CEP170B: variants seen among roughly 807,000 people sequenced by gnomAD.
CEP170B encodes the protein centrosomal protein 170B, also known as centrosomal protein of 170 kDa protein B.
A neutral mutation model predicts 120.6 loss-of-function variants in CEP170B; 55 were observed. The ratio of observed to expected loss-of-function variants is 0.46; its 90% CI spans 0.37 to 0.57. CEP170B has a LOEUF of 0.57. Among genes scored for constraint, CEP170B ranks in the 20% least tolerant of loss-of-function variants. The pLI is 0.00. For missense variants in CEP170B, 2,212 were observed against 2,253.3 expected (o/e 0.98, Z 0.37); for synonymous variants, 1,033 against 954.5 (o/e 1.08, Z -1.52).
rs544374977 is a variant in CEP170B at position 104,880,942 on chromosome 14, C to T, written c.472+517C>T. On this transcript the variant is annotated intron_variant, in intron 6 of 18. Coordinates refer to ENST00000414716, the MANE Select transcript of CEP170B (RefSeq NM_001112726.3). ...CACACCCACACTGCTCACCCCTGTG[C>T]ACACCTACCTGTGCACGCCTGCACC... Among the ~76,000 whole-genome samples the T allele has an allele frequency of 4.6e-5, 7 of 152,336 alleles. No individual in the cohort carries two copies. In the East Asian group the frequency reaches 1.3e-3, roughly 29 times the overall value.
In CEP170B at chr14:104,893,628, G is replaced by T. The variant is rs200856973; in HGVS notation, c.4144G>T (p.Ala1382Ser). The part of the protein sequence containing the change: ...DQNMNDSCED[A>S]LANKTRPRNR... ...GAACATGAACGACAGCTGTGAGGAC[G>T]CCCTGGCCAACAAGACGCGGCCTCG... Residue 1382 changes from alanine (A) to serine (S), a missense_variant, in exon 15 of 19, where the codon GCC (alanine) becomes TCC (serine). Ala to Ser is a moderately conservative substitution (Grantham distance 99, BLOSUM62 1). Around this residue, in one of 2 missense-constraint regions of CEP170B, gnomAD observed 2,166 missense variants for 2,166.7 expected, o/e 1.00. Coordinates refer to ENST00000414716, the MANE Select transcript of CEP170B (RefSeq NM_001112726.3). The T allele has an allele frequency of 6.3e-6, 10 of 1,596,192 alleles. No homozygotes were observed. In the Admixed American group the frequency reaches 1.7e-4, roughly 28 times the overall value.
Position 104,886,178 on chromosome 14 carries a change from C to T in CEP170B, c.2035+48C>T, listed in dbSNP as rs1177426730. 4.0e-6 allele frequency: 6 copies of T among 1,486,076 alleles called. No homozygotes were observed. The Admixed American group carries it at 6.9e-5, about 17-fold the overall frequency. The allele number at this position is 1,486,076 out of a possible 1,614,324, so 92.1% of individuals were successfully genotyped here. On this transcript the variant is annotated intron_variant, in intron 11 of 18. Transcript: ENST00000414716. The stretch of plus-strand genomic sequence containing the variant: ...GGGAGTCGGGCCAGGCCGGGGCGGG[C>T]CTCAGGCCACTGACCACGGACACAG...
intron 3 of CEP170B, 57 bp downstream of exon 3, chr14:104,876,402 C>G: frequency 6.7e-7 from 1 of 1,497,618 alleles, no homozygotes; most frequent in East Asian, 2.5e-5. Flanking sequence ...CAGCCCTGGC[C>G]CCTCCCTCTC....
Position 104,886,799 on chromosome 14 carries a change from C to G in CEP170B, c.2560C>G (p.Pro854Ala), listed in dbSNP as rs62641739. The G allele has an allele frequency of 1.3e-3, 2,088 of 1,611,578 alleles. 32 individuals carry two copies. In the African/African-American group the frequency reaches 0.025, roughly 19 times the overall value. ...MVIQLRPGRS[P>A]EPDGPAPAFL... ...CATCCAGCTACGGCCTGGACGGTCC[C>G]CAGAACCCGACGGCCCTGCCCCAGC... The change falls in exon 12 of 19, where the codon CCA becomes GCA. Residue 854 changes from proline to alanine, a missense_variant. This residue lies in a region of CEP170B where 2,166 missense variants were observed against 2,166.7 expected (regional missense o/e 1.00). Transcript: ENST00000414716.
chr14:104,893,894 A>G (rs1313756706), intron 16 of CEP170B, 45 bp downstream of exon 16: 1 of 1,534,124 alleles, frequency 6.5e-7, no homozygotes, highest in Admixed American at 1.8e-5. Flanking sequence ...ACACCAGCAC[A>G]GCTGCATGAG....
In CEP170B at chr14:104,884,062, G is replaced by A. The variant is rs765452990; in HGVS notation, c.1283G>A (p.Gly428Glu). The stretch of plus-strand genomic sequence containing the variant: ...CAGTCCTTCACGCACAGCCCGTCCG[G>A]GGACCCCAAGGCCGACAAGCGCCGT... ...RSQSFTHSPS[G>E]DPKADKRRGP... is the part of the protein sequence containing the mutation. Residue 428 changes from glycine (G) to glutamate (E), a missense_variant, in exon 9 of 19, where the codon GGG (glycine) becomes GAG (glutamate). Around this residue, in one of 2 missense-constraint regions of CEP170B, gnomAD observed 2,166 missense variants for 2,166.7 expected, o/e 1.00. Coordinates refer to ENST00000414716, the MANE Select transcript of CEP170B (RefSeq NM_001112726.3). 9 of 1,607,452 alleles carry A rather than the reference G, an allele frequency of 5.6e-6. No individual in the cohort carries two copies. Among genetic ancestry groups the A allele is most frequent in the East Asian group, 2.2e-5 (1 of 44,792 alleles).
chr14:104,877,890 T>C lies in CEP170B; in HGVS notation c.201T>C (p.Phe67=). The change falls in exon 4 of 19, where the codon TTT becomes TTC. Residue 67 remains phenylalanine (F), a synonymous_variant. Coordinates refer to ENST00000414716, the MANE Select transcript of CEP170B (RefSeq NM_001112726.3). The part of the protein sequence containing the change: ...VKDLGSLNGT[F]VNDMRIPDQK... ...CGCCACCTGTTTTCCTGCAGACGTT[T>C]GTGAATGACATGCGCATCCCGGACC... is the stretch of plus-strand genomic sequence containing the variant. The C allele has an allele frequency of 7.4e-7, 1 of 1,346,108 alleles. No individual in the cohort carries two copies. Among genetic ancestry groups the C allele is most frequent in the South Asian group, 1.2e-5 (1 of 84,698 alleles). The allele number at this position is 1,346,108 out of a possible 1,614,324, so 83.4% of individuals were successfully genotyped here.
chr14:104,889,905 AATGG>A (rs1160408059), intron 13 of CEP170B, 147 bp downstream of exon 13: 18,050 of 135,750 alleles, frequency 0.13, 460 homozygotes, highest in Non-Finnish European at 0.16. Flanking sequence ...TGGATGGACA[AATGG>A]ATGGATGGAT....
chr14:104,889,934 A>AG (rs1896711630), intron 13 of CEP170B, among the ~76,000 whole-genome samples, 176 bp downstream of exon 13: 1 of 65,266 alleles, frequency 1.5e-5, no homozygotes, highest in African/African-American at 5.5e-5. Flanking sequence ...GGATGGATGG[A>AG]TGGATGGATG....
rs1896324208 is a variant in CEP170B at position 104,884,213 on chromosome 14, C to T, written c.1434C>T (p.Ser478=). 1 of 1,542,934 alleles carries T rather than the reference C, an allele frequency of 6.5e-7. No homozygotes were observed. The highest frequency in any genetic ancestry group is 8.7e-7 in the Non-Finnish European group (1 of 1,147,176). Residue 478 remains serine, a synonymous_variant, in exon 9 of 19, where the codon AGC becomes AGT. Transcript: ENST00000414716. ...KREKTEERLG[S]PSPASRTPAR... Reference sequence around the variant, plus strand: ...AGAAGACAGAGGAACGGCTGGGCAGCCCCTCGCCCGCCTCCCGAACCCCTG... The same window carrying T: ...AGAAGACAGAGGAACGGCTGGGCAGTCCCTCGCCCGCCTCCCGAACCCCTG...
chr14:104,882,360 G>C (rs534458946), intron 6 of CEP170B, among the ~76,000 whole-genome samples: 126 of 152,158 alleles, frequency 8.3e-4, no homozygotes, highest in African/African-American at 2.8e-3. Flanking sequence ...CTCTGGGGTC[G>C]GGAAGGCCGG....
rs948141432 is a variant in CEP170B, at chr14:104,896,666, G to T, written c.*1708G>T. 1 of 456,040 alleles carries T rather than the reference G, an allele frequency of 2.2e-6. No individual in the cohort carries two copies. Among genetic ancestry groups the T allele is most frequent in the Non-Finnish European group, 4.4e-6 (1 of 226,932 alleles). 28.2% of individuals were successfully genotyped at this position (456,040 alleles called of 1,614,324 possible). A position where few individuals can be genotyped will look rare whatever the true frequency, so the allele number is the denominator to read the frequency against. ...TGTACATTCGTTCTCAGGTGGTCTT[G>T]TGGCTGTCTTTCGGAAAATGGTTAT... On this transcript the variant is annotated 3_prime_UTR_variant, in exon 19 of 19. Coordinates refer to ENST00000414716, the MANE Select transcript of CEP170B (RefSeq NM_001112726.3).
intron 6 of CEP170B, among the ~76,000 whole-genome samples, chr14:104,882,516 G>A (rs1275893449): frequency 6.6e-6 from 1 of 152,026 alleles, no homozygotes; most frequent in Non-Finnish European, 1.5e-5. Context: ...GGGAGGAGGT[G>A]GGGCCAGGCA....
chr14:104,871,990 A>C (rs569002707), intron 2 of CEP170B, among the ~76,000 whole-genome samples: 1 of 152,350 alleles, frequency 6.6e-6, no homozygotes, highest in South Asian at 2.1e-4. Context: ...TGCCCAGTGC[A>C]AGCCTGGCAC....
chr14:104,894,246 C>A, intron 16 of CEP170B, 39 bp from the exon 17 acceptor site: 1 of 1,467,534 alleles, frequency 6.8e-7, no homozygotes, highest in Non-Finnish European at 9.6e-7. Flanking sequence ...TCATCTCTGT[C>A]CTTGTCCCCC....
At chr14:104,882,981 G>A in intron 7 of CEP170B, 54 bp from the exon 8 acceptor site, 1 of 1,465,514 alleles carries the variant, frequency 6.8e-7, no homozygotes, top group South Asian at 1.3e-5. Flanking sequence ...GCTGAGGAGG[G>A]TGGTGGCAGG....
At chr14:104,878,339 C>T in intron 4 of CEP170B, 104 bp from the exon 5 acceptor site, 2 of 1,195,868 alleles carry the variant, frequency 1.7e-6, no homozygotes, top group Non-Finnish European at 2.5e-6. Flanking sequence ...CCCTCCTCTG[C>T]CTGCCTCGAT....
intron 3 of CEP170B, among the ~76,000 whole-genome samples, chr14:104,876,649 GC>G (rs1282578123): frequency 6.6e-6 from 1 of 152,126 alleles, no homozygotes; most frequent in Non-Finnish European, 1.5e-5. Flanking sequence ...AACTACAGAG[GC>G]CCCCAGGCCT....
chr14:104,867,702 A>G lies in CEP170B; in HGVS notation c.-27-722A>G, dbSNP rs1400694666. Among the ~76,000 whole-genome samples, 1 of 152,052 alleles carries G rather than the reference A, an allele frequency of 6.6e-6. No individual in the cohort carries two copies. Among genetic ancestry groups the G allele is most frequent in the African/African-American group, 2.4e-5 (1 of 41,400 alleles). ...GCCACGGGGCTCCCTGCCTGTCTAC[A>G]CCAGCCCCTCAGACCACCCCCTCTT... On this transcript the variant is annotated intron_variant, in intron 1 of 18. Coordinates refer to ENST00000414716, the MANE Select transcript of CEP170B (RefSeq NM_001112726.3). The surrounding 1 kb of genome is among the most constrained non-coding windows in gnomAD (Gnocchi z 5.4).
Sources: allele counts gnomAD v4.1 joint callset (sites outside exome capture counted in the v4.1 genomes callset), GRCh38; gene constraint gnomAD v4.1.1; regional missense constraint gnomAD v4.1.1; non-coding constraint Gnocchi (gnomAD v3.1); transcripts MANE v1.5; gene names NCBI Gene and HGNC (gene_info 2026-07-23, HGNC 2026-07-21).